Variants in NEDD4 observed in about 807,000 individuals in gnomAD.
NEDD4 encodes E3 ubiquitin-protein ligase NEDD4.
Under a neutral mutation model 144.9 loss-of-function variants are expected in NEDD4, and 99 were observed. The observed-to-expected ratio is 0.68, with a 90% CI of 0.58 to 0.81. The LOEUF is 0.81. Among genes scored for constraint, NEDD4 ranks in the 30% least tolerant of loss-of-function variants. The pLI, the probability that NEDD4 is intolerant of heterozygous loss-of-function variation, is 0.00. For synonymous variants in NEDD4, 318 were observed against 350.6 expected, an observed-to-expected ratio of 0.91 and a Z score of 1.04; for missense variants, 985 against 1,065.9, an observed-to-expected ratio of 0.92 and a Z score of 1.06.
At chr15:55,831,685 G>A (rs2032957222) in intron 27 of NEDD4, among the ~76,000 whole-genome samples, 1 of 152,144 alleles carries the variant, frequency 6.6e-6, no homozygotes, top group South Asian at 2.1e-4. Flanking sequence ...ATATTAATGA[G>A]GCTTGGCAAG....
At chr15:55,875,777 T>C (rs2034971989) in intron 5 of NEDD4, among the ~76,000 whole-genome samples, 1 of 151,320 alleles carries the variant, frequency 6.6e-6, no homozygotes, top group Admixed American at 6.6e-5. Context: ...TGTGGAAAAA[T>C]TTCAAGCAGT....
chr15:55,941,122 G>GTC (rs1164803830), intron 4 of NEDD4, among the ~76,000 whole-genome samples: 1 of 151,914 alleles, frequency 6.6e-6, no homozygotes, highest in Non-Finnish European at 1.5e-5. Context: ...TACTCTCTCT[G>GTC]TCTCTCTCAT....
At chr15:55,918,431 G>A in intron 5 of NEDD4, among the ~76,000 whole-genome samples, 1 of 152,080 alleles carries the variant, frequency 6.6e-6, no homozygotes, top group East Asian at 1.9e-4. Context: ...TGGAACTCCA[G>A]TAATAAATAT....
intron 18 of NEDD4, among the ~76,000 whole-genome samples, chr15:55,844,432 A>G (rs1475831575): frequency 1.3e-5 from 2 of 152,132 alleles, no homozygotes; most frequent in Non-Finnish European, 2.9e-5. Context: ...GAGAAGACAG[A>G]GGGACCTGTG....
intron 5 of NEDD4, among the ~76,000 whole-genome samples, chr15:55,876,903 C>T (rs1452159027): frequency 6.8e-6 from 1 of 147,566 alleles, no homozygotes. Context: ...TGGAGTCTTG[C>T]CATCTTACGC....
chr15:55,945,498 G>C (rs2037093408), intron 4 of NEDD4, among the ~76,000 whole-genome samples: 1 of 152,148 alleles, frequency 6.6e-6, no homozygotes, highest in Non-Finnish European at 1.5e-5. Flanking sequence ...AAGCCTCCAA[G>C]AAATATGGGA....
intron 12 of NEDD4, among the ~76,000 whole-genome samples, chr15:55,854,419 T>C (rs2034113281): frequency 1.3e-5 from 2 of 152,098 alleles, no homozygotes; most frequent in South Asian, 4.2e-4. Flanking sequence ...ATAAATGTAG[T>C]GGATATATCT....
chr15:55,887,254 AGACT>A (rs1252299074), intron 5 of NEDD4, among the ~76,000 whole-genome samples: 1 of 152,158 alleles, frequency 6.6e-6, no homozygotes, highest in Non-Finnish European at 1.5e-5. Flanking sequence ...ACCTTTAGCC[AGACT>A]AAGAAAAAAA....
intron 1 of NEDD4, among the ~76,000 whole-genome samples, chr15:55,979,325 G>GA: frequency 6.9e-6 from 1 of 145,092 alleles, no homozygotes; most frequent in African/African-American, 2.5e-5. Flanking sequence ...ATAAGATCAT[G>GA]AAAGTTTTTA....
chr15:55,942,332 A>G (rs1381424497), intron 4 of NEDD4, among the ~76,000 whole-genome samples: 1 of 152,102 alleles, frequency 6.6e-6, no homozygotes, highest in Non-Finnish European at 1.5e-5. Context: ...TTTGTATGGT[A>G]TCTCATATGG....
At chr15:55,853,490 G>C (rs2034073566) in intron 12 of NEDD4, among the ~76,000 whole-genome samples, 1 of 152,174 alleles carries the variant, frequency 6.6e-6, no homozygotes, top group East Asian at 1.9e-4. Context: ...CGAGAGTAAT[G>C]GAAGTAACTT....
chr15:55,862,026 T>A (rs1322227762), intron 9 of NEDD4, among the ~76,000 whole-genome samples: 1 of 152,176 alleles, frequency 6.6e-6, no homozygotes, highest in South Asian at 2.1e-4. Context: ...TACTGAGGTA[T>A]GCAACAGCGC....
intron 4 of NEDD4, among the ~76,000 whole-genome samples, chr15:55,927,274 T>C (rs2036692360): frequency 6.6e-6 from 1 of 151,834 alleles, no homozygotes; most frequent in Non-Finnish European, 1.5e-5. Flanking sequence ...GGGGGCAGAA[T>C]GAGCGTGCTC....
chr15:55,899,202 C>T (rs948581219), intron 5 of NEDD4, among the ~76,000 whole-genome samples: 1 of 151,954 alleles, frequency 6.6e-6, no homozygotes, highest in Non-Finnish European at 1.5e-5. Context: ...CTCTCTCTCT[C>T]TTTTTCAAAC....
At chr15:55,887,638 G>A (rs931013464) in intron 5 of NEDD4, among the ~76,000 whole-genome samples, 9 of 152,074 alleles carry the variant, frequency 5.9e-5, no homozygotes, top group African/African-American at 1.2e-4. Context: ...ATCATATGAA[G>A]CCAGTATTAC....
At chr15:55,951,695 T>A in intron 2 of NEDD4, 106 bp from the exon 3 acceptor site, 1 of 799,784 alleles carries the variant, frequency 1.3e-6, no homozygotes, top group Non-Finnish European at 1.8e-6. Context: ...TAGTTATATC[T>A]ACAATTATTT....
At chr15:55,936,159 T>C (rs933335215) in intron 4 of NEDD4, among the ~76,000 whole-genome samples, 2 of 152,194 alleles carry the variant, frequency 1.3e-5, no homozygotes, top group African/African-American at 4.8e-5. Context: ...CTAAACCTCC[T>C]AGACTAAGTG....
chr15:55,979,652 G>A (rs182729307), intron 1 of NEDD4, among the ~76,000 whole-genome samples: 1,674 of 152,014 alleles, frequency 0.011, 11 homozygotes, highest in Non-Finnish European at 0.016. Context: ...CGCGCCCGGC[G>A]AAAGTTTTTA....
At position 55,833,154 on chromosome 15, in the gene NEDD4, A is replaced by C. The variant is rs201497786; in HGVS notation, c.2431-50T>G. ...AGGGAACAGCACTGGGAAAGAGGTAAACAAATTATCCTGAAACATAAGCTA... is the reference window on the plus strand; with the variant it reads ...AGGGAACAGCACTGGGAAAGAGGTACACAAATTATCCTGAAACATAAGCTA... On this transcript the variant is annotated intron_variant, in intron 26 of 28. Transcript: ENST00000435532. 1,097 of 1,144,616 alleles carry C rather than the reference A, an allele frequency of 9.6e-4. 12 individuals carry two copies. In the Middle Eastern group the frequency reaches 0.015, roughly 15 times the overall value. The allele number at this position is 1,144,616 out of a possible 1,614,324, so 70.9% of individuals were successfully genotyped here.
Sources: allele counts gnomAD v4.1 joint callset (sites outside exome capture counted in the v4.1 genomes callset), GRCh38; gene constraint gnomAD v4.1.1; transcripts MANE v1.5; gene names NCBI Gene and HGNC (gene_info 2026-07-23, HGNC 2026-07-21).